Variants in MSH3 observed in about 807,000 individuals in gnomAD.
MSH3 encodes mutS homolog 3.
MSH3 carries 106 observed loss-of-function variants against 123.3 expected under a neutral mutation model. The ratio of observed to expected loss-of-function variants is 0.86; its 90% CI spans 0.73 to 1.01. MSH3 has a LOEUF of 1.01. MSH3 is among the 50% of genes least tolerant of loss of function. MSH3 has a pLI of 0.00. For synonymous variants in MSH3, 515 were observed against 481.4 expected (o/e 1.07, Z -0.91); for missense variants, 1,459 against 1,347.6 (o/e 1.08, Z -1.29).
intron 21 of MSH3, among the ~76,000 whole-genome samples, chr5:80,864,400 G>A (rs1051195572): frequency 2.0e-5 from 3 of 152,266 alleles, no homozygotes; most frequent in South Asian, 4.1e-4. Flanking sequence ...AAAAAGGAAA[G>A]AGACAAAAAG....
chr5:80,851,607 T>C (rs1001916804), intron 20 of MSH3, among the ~76,000 whole-genome samples: 1 of 152,198 alleles, frequency 6.6e-6, no homozygotes, highest in Non-Finnish European at 1.5e-5. Flanking sequence ...AACTTTTTTA[T>C]TATGTGTCTT....
intron 20 of MSH3, among the ~76,000 whole-genome samples, chr5:80,824,372 C>G (rs1055391922): frequency 1.3e-5 from 2 of 150,188 alleles, no homozygotes; most frequent in African/African-American, 4.9e-5. Flanking sequence ...GGGGCTGCCC[C>G]CCACCTCCCT....
chr5:80,789,116 G>A (rs1255272761), intron 18 of MSH3, among the ~76,000 whole-genome samples: 1 of 152,038 alleles, frequency 6.6e-6, no homozygotes, highest in East Asian at 1.9e-4. Flanking sequence ...AAATCTTCCT[G>A]GTAAATCATA....
intron 8 of MSH3, among the ~76,000 whole-genome samples, chr5:80,682,579 A>G (rs1749996602): frequency 6.6e-6 from 1 of 152,034 alleles, no homozygotes; most frequent in Non-Finnish European, 1.5e-5. Context: ...TTAGCCAGGC[A>G]TGGCTAAAGT....
intron 23 of MSH3, among the ~76,000 whole-genome samples, chr5:80,873,519 T>C (rs1746257768): frequency 1.3e-5 from 2 of 152,228 alleles, no homozygotes; most frequent in African/African-American, 4.8e-5. Context: ...CGGTCATTTT[T>C]ATAAAGAATT....
chr5:80,838,784 C>CCACTCTAGTCA (rs1290722121), intron 20 of MSH3, among the ~76,000 whole-genome samples: 3 of 152,202 alleles, frequency 2.0e-5, no homozygotes, highest in African/African-American at 7.2e-5. Flanking sequence ...AGTGGCTAAG[C>CCACTCTAGTCA]CAGGACTAGA....
intron 10 of MSH3, among the ~76,000 whole-genome samples, chr5:80,739,729 C>T (rs948578538): frequency 1.3e-5 from 2 of 152,216 alleles, no homozygotes; most frequent in South Asian, 4.1e-4. Flanking sequence ...ATACATTACA[C>T]TACCAAAGGA....
intron 9 of MSH3, among the ~76,000 whole-genome samples, chr5:80,726,321 G>A (rs982643652): frequency 6.6e-6 from 1 of 152,170 alleles, no homozygotes; most frequent in Admixed American, 6.5e-5. Flanking sequence ...ATGCTAGAGA[G>A]TGTTCATCAT....
At chr5:80,750,129 A>G (rs890790916) in intron 12 of MSH3, among the ~76,000 whole-genome samples, 12 of 127,008 alleles carry the variant, frequency 9.4e-5, no homozygotes, top group Non-Finnish European at 1.3e-4. Flanking sequence ...TAAAAAATCT[A>G]TTCATCTATT....
In MSH3 at chr5:80,725,513, T is replaced by C. The variant is rs2112855482; in HGVS notation, c.1401T>C (p.His467=). 6.2e-7 allele frequency: 1 copy of C among 1,614,102 alleles called. No individual in the cohort carries two copies. Among genetic ancestry groups the C allele is most frequent in the Non-Finnish European group, 8.5e-7 (1 of 1,179,966 alleles). ...ATAACATTTATTTTGAATACAGCCA[T>C]GCTTTCCAGGCAGTTACAGAGTTTT... ...RMDNIYFEYS[H]AFQAVTEFYA... The change falls in exon 9 of 24, where the codon CAT becomes CAC. Residue 467 remains histidine (H), a synonymous_variant. Transcript: ENST00000265081.
chr5:80,876,546 T>C lies in MSH3; in HGVS notation c.*684T>C, dbSNP rs1319274533. 3 of 152,714 alleles carry C rather than the reference T, an allele frequency of 2.0e-5. No homozygotes were observed. The highest frequency in any genetic ancestry group is 4.4e-5 in the Non-Finnish European group (3 of 68,542). 9.5% of individuals were successfully genotyped at this position (152,714 alleles called of 1,614,324 possible). A position where few individuals can be genotyped will look rare whatever the true frequency, so the allele number is the denominator to read the frequency against. On this transcript the variant is annotated 3_prime_UTR_variant, in exon 24 of 24. Coordinates refer to ENST00000265081, the MANE Select transcript of MSH3 (RefSeq NM_002439.5). Reference sequence around the variant, plus strand: ...CCGGAGGCTGAGGCAGGAGAATCTCTTGAACCTGGGAGGCGGAGGTTGCAA... The same window carrying C: ...CCGGAGGCTGAGGCAGGAGAATCTCCTGAACCTGGGAGGCGGAGGTTGCAA...
chr5:80,844,328 C>G (rs1580085454), intron 20 of MSH3, among the ~76,000 whole-genome samples: 1 of 152,004 alleles, frequency 6.6e-6, no homozygotes, highest in Non-Finnish European at 1.5e-5. Context: ...GTTATGTGGT[C>G]AATTTTAGAA....
chr5:80,727,850 G>T (rs578181769), intron 9 of MSH3, among the ~76,000 whole-genome samples: 1 of 152,022 alleles, frequency 6.6e-6, no homozygotes, highest in Non-Finnish European at 1.5e-5. Context: ...AAATAGGATG[G>T]TAAAGGAAGG....
At chr5:80,837,194 GT>G (rs1745530799) in intron 20 of MSH3, among the ~76,000 whole-genome samples, 1 of 152,230 alleles carries the variant, frequency 6.6e-6, no homozygotes, top group African/African-American at 2.4e-5. Flanking sequence ...TAAATTAGCT[GT>G]TAGTAAAAGT....
At chr5:80,729,460 G>GTGTGTGTGTGTGTGTATA (rs1277559108) in intron 10 of MSH3, among the ~76,000 whole-genome samples, 7 of 95,030 alleles carry the variant, frequency 7.4e-5, no homozygotes, top group East Asian at 5.6e-4. Flanking sequence ...GTGTGTGTGT[G>GTGTGTGTGTGTGTGTATA]TATATATATA....
intron 16 of MSH3, among the ~76,000 whole-genome samples, chr5:80,777,257 C>T (rs1255170887): frequency 6.6e-6 from 1 of 152,098 alleles, no homozygotes; most frequent in Non-Finnish European, 1.5e-5. Flanking sequence ...AAGGCACAGG[C>T]ATGGATTTCT....
chr5:80,665,163 A>G lies in MSH3; in HGVS notation c.379A>G (p.Thr127Ala), dbSNP rs1343040610. 5 of 1,613,900 alleles carry G rather than the reference A, an allele frequency of 3.1e-6. No homozygotes were observed. In the South Asian group the frequency reaches 5.5e-5, roughly 18 times the overall value. ...CTAAGAGCCAAAGAAATGTCTGAGG[A>G]CCAGGAATGTTTCAAAGTCTCTGGA... ...GNSEPKKCLRTRNVSKSLEKL... is the reference protein window; with the variant it reads ...GNSEPKKCLRARNVSKSLEKL... The change falls in exon 3 of 24, where the codon ACC becomes GCC. Residue 127 changes from threonine (T) to alanine (A), a missense_variant. Transcript: ENST00000265081.
intron 8 of MSH3, among the ~76,000 whole-genome samples, chr5:80,685,766 T>A (rs986400540): frequency 6.6e-6 from 1 of 152,108 alleles, no homozygotes; most frequent in African/African-American, 2.4e-5. Context: ...AAATGTTTCC[T>A]CTTTTTTCAT....
Position 80,670,118 on chromosome 5 carries a change from A to G in MSH3, c.601A>G (p.Ser201Gly), listed in dbSNP as rs759271567. The G allele has an allele frequency of 6.2e-7, 1 of 1,614,118 alleles. No homozygotes were observed. Among genetic ancestry groups the G allele is most frequent in the Non-Finnish European group, 8.5e-7 (1 of 1,180,006 alleles). Residue 201 changes from serine to glycine, a missense_variant, in exon 4 of 24, where the codon AGT (serine) becomes GGT (glycine). Coordinates refer to ENST00000265081, the MANE Select transcript of MSH3 (RefSeq NM_002439.5). ...NQKDTTLFDL[S>G]QFGSSNTSHE... The stretch of plus-strand genomic sequence containing the variant: ...CCAGGACACAACACTTTTTGATCTC[A>G]GTCAGTTTGGATCATCAAATACAAG...
Sources: allele counts gnomAD v4.1 joint callset (sites outside exome capture counted in the v4.1 genomes callset), GRCh38; gene constraint gnomAD v4.1.1; transcripts MANE v1.5; gene names NCBI Gene and HGNC (gene_info 2026-07-23, HGNC 2026-07-21).